Variants in FRMPD3 observed in about 807,000 individuals in gnomAD.
FRMPD3 encodes FERM and PDZ domain containing 3, also known as FERM and PDZ domain-containing protein 3.
In FRMPD3, 42 loss-of-function variants were observed where a neutral mutation model predicts 97.9. The ratio of observed to expected loss-of-function variants is 0.43; its 90% CI spans 0.34 to 0.55. FRMPD3 has a LOEUF of 0.55. FRMPD3 is among the 20% of genes least tolerant of loss of function. The pLI is 0.03. For missense variants in FRMPD3, 1,303 were observed against 1,457.7 expected (o/e 0.89, Z 1.73); for synonymous variants, 577 against 581.1 (o/e 0.99, Z 0.10).
chrX:107,595,316 CA>C (rs372328331), intron 13 of FRMPD3, among the ~76,000 whole-genome samples: 987 of 94,097 alleles, frequency 0.01, 7 homozygotes, highest in African/African-American at 0.028. Context: ...GACCCTGTAT[CA>C]AAAAAAAAAA....
chrX:107,531,111 TACACACACAC>T (rs35430860), intron 3 of FRMPD3, among the ~76,000 whole-genome samples: 3 of 93,596 alleles, frequency 3.2e-5, no homozygotes, highest in East Asian at 3.3e-4. Context: ...CTGTGCACAT[TACACACACAC>T]ACACACACAC....
At chrX:107,522,505 G>T (rs1288557132) in intron 1 of FRMPD3, 3 of 537,502 alleles carry the variant, frequency 5.6e-6, no homozygotes, top group African/African-American at 2.3e-5. Context: ...CAGGTAGGGG[G>T]TGCTGCAATT....
intron 1 of FRMPD3, among the ~76,000 whole-genome samples, chrX:107,488,842 A>G (rs1403058970): frequency 9.0e-6 from 1 of 110,681 alleles, no homozygotes; most frequent in Admixed American, 9.6e-5. Flanking sequence ...ATTTTATTTT[A>G]TTATTATTAT....
At chrX:107,577,099 C>T (rs966451188) in intron 13 of FRMPD3, among the ~76,000 whole-genome samples, 3 of 88,991 alleles carry the variant, frequency 3.4e-5, no homozygotes, top group South Asian at 6.6e-4. Context: ...CTGAGGCAGG[C>T]GGATCACTTG....
chrX:107,564,748 A>C (rs1922528043), intron 11 of FRMPD3, 139 bp from the exon 12 acceptor site: 1 of 605,925 alleles, frequency 1.7e-6, no homozygotes, highest in Non-Finnish European at 2.7e-6. Flanking sequence ...AGGTTGTCCT[A>C]CTGTGGCACT....
intron 13 of FRMPD3, among the ~76,000 whole-genome samples, chrX:107,580,480 A>G (rs1923334891): frequency 9.0e-6 from 1 of 111,524 alleles, no homozygotes; most frequent in African/African-American, 3.3e-5. Context: ...AGATGTTTCC[A>G]TCTTGCAGGG....
At chrX:107,505,928 G>A (rs760454732) in intron 1 of FRMPD3, among the ~76,000 whole-genome samples, 1 of 111,650 alleles carries the variant, frequency 9.0e-6, no homozygotes, top group South Asian at 3.9e-4. Flanking sequence ...TTCTCTCCAC[G>A]TTGTCTCTGC....
chrX:107,457,864 T>G (rs1423031481), intron 1 of FRMPD3, among the ~76,000 whole-genome samples: 1 of 111,899 alleles, frequency 8.9e-6, no homozygotes, highest in Non-Finnish European at 1.9e-5. Context: ...CTTCTTGCTT[T>G]TTCTTCTGCT....
At chrX:107,553,873 A>G (rs1024936049) in intron 7 of FRMPD3, among the ~76,000 whole-genome samples, 7 of 112,278 alleles carry the variant, frequency 6.2e-5, no homozygotes, top group Admixed American at 4.7e-4. Context: ...CATACACACA[A>G]GTAGGAGGAA....
At position 107,449,663 on chromosome X, in the gene FRMPD3, G is replaced by T. The variant is rs1224081060; in HGVS notation, c.-350G>T. 2.8e-5 allele frequency among the ~76,000 whole-genome samples: 3 copies of T among 106,975 alleles called. No individual in the cohort carries two copies. The highest frequency in any genetic ancestry group is 9.7e-5 in the Admixed American group (1 of 10,271). 92.9% of individuals were successfully genotyped at this position (106,975 alleles called of 115,157 possible). On this transcript the variant is annotated 5_prime_UTR_variant, in exon 1 of 15. Transcript: ENST00000683843. Reference sequence around the variant, plus strand: ...TCGCAGCCTGCCGCACTCCTGGAGCGAGAGAGCGACGAGCGAGCCACGGCG... The same window carrying T: ...TCGCAGCCTGCCGCACTCCTGGAGCTAGAGAGCGACGAGCGAGCCACGGCG...
chrX:107,579,156 A>G (rs1923268199), intron 13 of FRMPD3, among the ~76,000 whole-genome samples: 1 of 111,972 alleles, frequency 8.9e-6, no homozygotes, highest in Non-Finnish European at 1.9e-5. Context: ...GTCCAAAGCC[A>G]CAGCCTGGTT....
In FRMPD3 at chrX:107,484,607, G is replaced by C. The variant is rs566915432; in HGVS notation, c.-8+34602G>C. Among the ~76,000 whole-genome samples the C allele has an allele frequency of 1.4e-3, 152 of 112,218 alleles. 1 individual carries two copies. In the Middle Eastern group the frequency reaches 0.051, roughly 37 times the overall value. ...CTCCAGCTGGCTCCCCTGGGGCTAG[G>C]GGGAGGGGAGCCTGGTGTGGGTCTT... On this transcript the variant is annotated intron_variant, in intron 1 of 14. Transcript: ENST00000683843.
At chrX:107,522,499 T>G in intron 1 of FRMPD3, 1 of 539,327 alleles carries the variant, frequency 1.9e-6, no homozygotes, top group Non-Finnish European at 3.3e-6. Flanking sequence ...TGGGAGCAGG[T>G]AGGGGGTGCT....
At chrX:107,566,104 G>T (rs941312435) in intron 12 of FRMPD3, among the ~76,000 whole-genome samples, 1 of 112,694 alleles carries the variant, frequency 8.9e-6, no homozygotes, top group African/African-American at 3.2e-5. Context: ...CCTGTGCAAA[G>T]TCTGGCAGTC....
chrX:107,505,058 A>T (rs1001644455), intron 1 of FRMPD3, among the ~76,000 whole-genome samples: 3 of 112,301 alleles, frequency 2.7e-5, no homozygotes, highest in African/African-American at 9.7e-5. Flanking sequence ...GGAAGATGGA[A>T]TTTAGTGCAA....
intron 3 of FRMPD3, among the ~76,000 whole-genome samples, chrX:107,531,358 C>G (rs1922961621): frequency 9.2e-6 from 1 of 109,203 alleles, no homozygotes; most frequent in Non-Finnish European, 1.9e-5. Context: ...CTCTCTCTCT[C>G]TCTCTCTCTC....
chrX:107,563,040 C>T (rs1922440543), intron 10 of FRMPD3, 71 bp from the exon 11 acceptor site: 4 of 837,978 alleles, frequency 4.8e-6, no homozygotes, highest in Non-Finnish European at 5.3e-6. Context: ...TGAGACTCCT[C>T]GTTGAGAACA....
At chrX:107,526,102 T>A (rs1007391301) in intron 1 of FRMPD3, among the ~76,000 whole-genome samples, 16 of 110,859 alleles carry the variant, frequency 1.4e-4, no homozygotes, top group African/African-American at 2.6e-4. Flanking sequence ...AAAAAAAAAA[T>A]TTAAAATATT....
rs1455796673 is a variant in FRMPD3 at position 107,590,168 on chromosome X, C to CA, written c.1442-7145dup. Among the ~76,000 whole-genome samples, 62 of 111,388 alleles carry CA rather than the reference C, an allele frequency of 5.6e-4. 1 individual carries two copies. The highest frequency in any genetic ancestry group is 1.7e-3 in the African/African-American group (51 of 30,730). On this transcript the variant is annotated intron_variant, in intron 13 of 14. Transcript: ENST00000683843. ...GACTCCATCTCAAAAAATAAAAATA[C>CA]AAAAAAAACTGATTTTTTGTACATT...
Sources: allele counts gnomAD v4.1 joint callset (sites outside exome capture counted in the v4.1 genomes callset), GRCh38; gene constraint gnomAD v4.1.1; transcripts MANE v1.5; gene names NCBI Gene and HGNC (gene_info 2026-07-23, HGNC 2026-07-21).